Variants in ANAPC10 observed in about 807,000 individuals in gnomAD.
ANAPC10 encodes the protein anaphase promoting complex subunit 10.
In ANAPC10, 12 loss-of-function variants were observed where a neutral mutation model predicts 22.0. The observed-to-expected ratio is 0.55, with a 90% CI of 0.35 to 0.88. ANAPC10 has a LOEUF of 0.88. ANAPC10 is among the 40% of genes least tolerant of loss of function. The probability of loss-of-function intolerance (pLI) is 0.01; values close to 1 mark genes in which losing one functional copy is unlikely to be tolerated. For missense variants in ANAPC10, 188 were observed against 220.9 expected (o/e 0.85, Z 0.94); for synonymous variants, 65 against 69.5 (o/e 0.94, Z 0.32).
chr4:145,070,976 T>C (rs1413300741), intron 3 of ANAPC10, among the ~76,000 whole-genome samples: 2 of 152,152 alleles, frequency 1.3e-5, no homozygotes. Flanking sequence ...ACAGCGATTA[T>C]CATGGGCTGG....
chr4:145,025,322 C>T (rs1339122319), intron 4 of ANAPC10, among the ~76,000 whole-genome samples: 1 of 141,600 alleles, frequency 7.1e-6, no homozygotes, highest in African/African-American at 2.7e-5. Flanking sequence ...CCTATTTTGG[C>T]TTTCAACACG....
chr4:145,024,288 G>A (rs207465152), intron 4 of ANAPC10, among the ~76,000 whole-genome samples: 26 of 152,078 alleles, frequency 1.7e-4, no homozygotes, highest in Non-Finnish European at 2.9e-4. Context: ...GTTAATGTTC[G>A]TATTTTGACC....
In ANAPC10 at chr4:145,026,945, A is replaced by ATATATATATATGTGTG. The variant is rs1287102797; in HGVS notation, c.328-31343_328-31342insCACACATATATATATA. Among the ~76,000 whole-genome samples the ATATATATATATGTGTG allele has an allele frequency of 1.5e-3, 26 of 17,144 alleles. 2 individuals are homozygous for ATATATATATATGTGTG. The highest frequency in any genetic ancestry group is 9.1e-3 in the East Asian group (3 of 330). 11.2% of individuals were successfully genotyped at this position (17,144 alleles called of 152,430 possible). ...CATATATATATATATATATATATAT[A>ATATATATATATGTGTG]TGTGTGTGTGTGTATATATATATAT... On this transcript the variant is annotated intron_variant, in intron 4 of 4. Transcript: ENST00000507656.
intron 4 of ANAPC10, among the ~76,000 whole-genome samples, chr4:145,062,563 T>C (rs932094683): frequency 2.6e-5 from 4 of 151,694 alleles, no homozygotes; most frequent in Non-Finnish European, 5.9e-5. Flanking sequence ...GCCAAGATCA[T>C]ACCACTGCAC....
chr4:145,010,882 A>G (rs549220479), intron 4 of ANAPC10, among the ~76,000 whole-genome samples: 43 of 151,124 alleles, frequency 2.8e-4, no homozygotes, highest in African/African-American at 3.4e-4. Flanking sequence ...GTATATGGGG[A>G]AAAAAAAACA....
At chr4:145,034,244 T>G (rs1273657048) in intron 4 of ANAPC10, among the ~76,000 whole-genome samples, 1 of 151,782 alleles carries the variant, frequency 6.6e-6, no homozygotes, top group Non-Finnish European at 1.5e-5. Context: ...AACATCTGAG[T>G]CACTGGGCTG....
chr4:145,005,576 A>G (rs200919705), intron 4 of ANAPC10, among the ~76,000 whole-genome samples: 1 of 151,992 alleles, frequency 6.6e-6, no homozygotes, highest in East Asian at 1.9e-4. Flanking sequence ...AGATCTTTCT[A>G]ACTTTTTGAT....
At chr4:145,093,685 A>G (rs1022679708) in intron 2 of ANAPC10, among the ~76,000 whole-genome samples, 1 of 152,134 alleles carries the variant, frequency 6.6e-6, no homozygotes, top group Non-Finnish European at 1.5e-5. Flanking sequence ...ATATAATATC[A>G]CAGATGAAAA....
intron 4 of ANAPC10, among the ~76,000 whole-genome samples, chr4:145,026,089 A>T (rs1299389107): frequency 6.6e-6 from 1 of 151,968 alleles, no homozygotes; most frequent in Non-Finnish European, 1.5e-5. Context: ...GAGAACACTG[A>T]CTCCTAGGCA....
chr4:145,025,842 T>A (rs1736582526), intron 4 of ANAPC10, among the ~76,000 whole-genome samples: 1 of 152,144 alleles, frequency 6.6e-6, no homozygotes, highest in South Asian at 2.1e-4. Context: ...ATGAGGTATG[T>A]CTGTAGTGTA....
chr4:145,053,777 G>A (rs1240201759), intron 4 of ANAPC10: 3 of 648,688 alleles, frequency 4.6e-6, no homozygotes. Context: ...TGTAAAACAT[G>A]AGGCTGAAAA....
chr4:145,056,826 A>C (rs1742138143), intron 4 of ANAPC10, among the ~76,000 whole-genome samples: 1 of 152,170 alleles, frequency 6.6e-6, no homozygotes. Flanking sequence ...GCATTTCTAA[A>C]ACCATGTCAT....
chr4:145,047,762 T>C (rs543988805), intron 4 of ANAPC10, among the ~76,000 whole-genome samples: 2,536 of 152,224 alleles, frequency 0.017, 79 homozygotes, highest in African/African-American at 0.057. Flanking sequence ...ATTGATGAGA[T>C]TATTGTTCAA....
At chr4:145,064,540 A>T (rs376827906) in intron 4 of ANAPC10, 32 bp downstream of exon 4, 20 of 1,565,098 alleles carry the variant, frequency 1.3e-5, no homozygotes, top group Non-Finnish European at 1.7e-5. Context: ...AAGTTAAAGG[A>T]TGACATATTT....
chr4:145,056,796 A>G (rs918870649), intron 4 of ANAPC10, among the ~76,000 whole-genome samples: 5 of 152,204 alleles, frequency 3.3e-5, no homozygotes, highest in Non-Finnish European at 7.3e-5. Context: ...TGTTTTCCTT[A>G]TAAGAGGGAT....
intron 2 of ANAPC10, among the ~76,000 whole-genome samples, chr4:145,094,589 TAA>T (rs936795193): frequency 1.3e-4 from 20 of 152,226 alleles, no homozygotes; most frequent in African/African-American, 4.3e-4. Flanking sequence ...GTGCAAATAA[TAA>T]AAGTTTCTGA....
chr4:145,029,027 GA>G (rs1737149961), intron 4 of ANAPC10, among the ~76,000 whole-genome samples: 1 of 152,124 alleles, frequency 6.6e-6, no homozygotes, highest in Admixed American at 6.5e-5. Flanking sequence ...GACCTGCAAC[GA>G]AAGATGCATG....
intron 3 of ANAPC10, among the ~76,000 whole-genome samples, chr4:145,081,152 A>G (rs145093294): frequency 5.5e-4 from 83 of 152,014 alleles, no homozygotes; most frequent in Non-Finnish European, 8.8e-4. Context: ...CAAAGCATTG[A>G]AAAACATGTG....
At position 144,994,843 on chromosome 4, in the gene ANAPC10, G is replaced by C. The variant is rs909997121; in HGVS notation, c.*530C>G. 4 of 152,648 alleles carry C rather than the reference G, an allele frequency of 2.6e-5. No individual in the cohort carries two copies. Among genetic ancestry groups the C allele is most frequent in the Non-Finnish European group, 4.4e-5 (3 of 68,448 alleles). 9.5% of individuals were successfully genotyped at this position (152,648 alleles called of 1,614,324 possible). The stretch of plus-strand genomic sequence containing the variant: ...TAATTATACTCCCCATATTAGATTG[G>C]TTCTCATCAGACAACCTAACACTAA... On this transcript the variant is annotated 3_prime_UTR_variant, in exon 5 of 5. Coordinates refer to ENST00000507656, the MANE Select transcript of ANAPC10 (RefSeq NM_001256706.2).
Sources: allele counts gnomAD v4.1 joint callset (sites outside exome capture counted in the v4.1 genomes callset), GRCh38; gene constraint gnomAD v4.1.1; transcripts MANE v1.5; gene names NCBI Gene and HGNC (gene_info 2026-07-23, HGNC 2026-07-21).